ADGRL3: variants seen among roughly 807,000 people sequenced by gnomAD.
ADGRL3 encodes calcium-independent alpha-latrotoxin receptor 3.
ADGRL3 carries 62 observed loss-of-function variants against 153.5 expected under a neutral mutation model. That is an observed-to-expected ratio of 0.40 (90% confidence interval 0.33 to 0.50). The LOEUF (loss-of-function observed/expected upper bound fraction) is 0.50, where lower values mean the gene tolerates loss of function less well. Ranked by LOEUF, ADGRL3 falls within the 20% of genes least tolerant of loss-of-function variation. ADGRL3 has a pLI of 0.47. For missense variants in ADGRL3, 1,641 were observed against 1,859.4 expected, an observed-to-expected ratio of 0.88 and a Z score of 2.16; for synonymous variants, 710 against 672.5, an observed-to-expected ratio of 1.06 and a Z score of -0.86.
intron 11 of ADGRL3, among the ~76,000 whole-genome samples, chr4:61,898,731 G>C (rs184566388): frequency 6.6e-6 from 1 of 151,658 alleles, no homozygotes; most frequent in Admixed American, 6.6e-5. Flanking sequence ...CAATTCTCTT[G>C]CCTCAGCTTC....
At chr4:61,473,628 GTA>G (rs1323772600) in intron 2 of ADGRL3, among the ~76,000 whole-genome samples, 5 of 151,924 alleles carry the variant, frequency 3.3e-5, no homozygotes, top group Admixed American at 2.0e-4. Flanking sequence ...ACCAAAACAT[GTA>G]TAGAGTTTAT....
chr4:61,789,544 A>AT (rs2097317061), intron 8 of ADGRL3, among the ~76,000 whole-genome samples: 1 of 152,272 alleles, frequency 6.6e-6, no homozygotes, highest in South Asian at 2.1e-4. Context: ...ATAAAGTTCC[A>AT]TTTGCTTCAA....
chr4:61,491,550 C>T (rs952047714), intron 2 of ADGRL3, among the ~76,000 whole-genome samples: 1 of 151,972 alleles, frequency 6.6e-6, no homozygotes, highest in Non-Finnish European at 1.5e-5. Context: ...TTAAATAAAA[C>T]AACTGGTTAT....
At chr4:61,373,099 C>T (rs1285676445) in intron 1 of ADGRL3, among the ~76,000 whole-genome samples, 13 of 152,092 alleles carry the variant, frequency 8.5e-5, no homozygotes, top group Non-Finnish European at 1.5e-4. Flanking sequence ...GTGCAGGGTG[C>T]GCACACTCAC....
chr4:61,987,741 C>T (rs2099090782), intron 19 of ADGRL3, among the ~76,000 whole-genome samples: 1 of 152,088 alleles, frequency 6.6e-6, no homozygotes, highest in South Asian at 2.1e-4. Context: ...ATCTTTTTTA[C>T]TTGTTTTTGG....
intron 4 of ADGRL3, among the ~76,000 whole-genome samples, chr4:61,577,230 A>T (rs1055048188): frequency 8.5e-6 from 1 of 117,842 alleles, no homozygotes; most frequent in South Asian, 3.4e-4. Flanking sequence ...TGGGGGGGGG[A>T]TGAGGGAGGG....
At chr4:61,593,150 C>A (rs1262784854) in intron 5 of ADGRL3, among the ~76,000 whole-genome samples, 1 of 152,166 alleles carries the variant, frequency 6.6e-6, no homozygotes, top group East Asian at 1.9e-4. Flanking sequence ...ACTTTAACTT[C>A]ATCCTCCCAC....
chr4:61,794,876 CTG>C (rs2097389021), intron 8 of ADGRL3, among the ~76,000 whole-genome samples: 1 of 152,130 alleles, frequency 6.6e-6, no homozygotes, highest in South Asian at 2.1e-4. Flanking sequence ...TAGATCTTAA[CTG>C]TAAATTATTT....
chr4:61,221,390 C>T (rs1394954), intron 1 of ADGRL3, among the ~76,000 whole-genome samples: 97,024 of 151,940 alleles, frequency 0.64, 31,227 homozygotes, highest in Middle Eastern at 0.72. Flanking sequence ...AAGGTGGGCT[C>T]GTAATATGAT....
Position 61,733,472 on chromosome 4 carries a change from C to T in ADGRL3, c.1317C>T (p.Pro439=). The T allele has an allele frequency of 6.2e-7, 1 of 1,613,678 alleles. No homozygotes were observed. Among genetic ancestry groups the T allele is most frequent in the Non-Finnish European group, 8.5e-7 (1 of 1,179,766 alleles). The change falls in exon 8 of 27, where the codon CCC becomes CCT. Residue 439 remains proline, a synonymous_variant. Transcript: ENST00000683033. ...ACATTGCAGCTGTGGATTACAACCC[C>T]AGGGACAACCTACTTTATGTATGGA... ...YQYIAAVDYN[P]RDNLLYVWNN...
At chr4:61,702,876 C>T (rs1391167592) in intron 6 of ADGRL3, among the ~76,000 whole-genome samples, 3 of 152,052 alleles carry the variant, frequency 2.0e-5, no homozygotes, top group Non-Finnish European at 4.4e-5. Context: ...GTTGAAGCTT[C>T]ACTCCTGTAT....
chr4:61,971,628 G>T (rs1263049625), intron 17 of ADGRL3, among the ~76,000 whole-genome samples: 2 of 152,038 alleles, frequency 1.3e-5, no homozygotes, highest in Non-Finnish European at 2.9e-5. Context: ...ACATGTGCAT[G>T]TGTCTTTATA....
chr4:61,544,559 TTC>T (rs570075755), intron 4 of ADGRL3, among the ~76,000 whole-genome samples: 132 of 152,306 alleles, frequency 8.7e-4, no homozygotes, highest in Admixed American at 1.9e-3. Flanking sequence ...AATCAGAAAA[TTC>T]TGTTTTTTCC....
At chr4:61,636,407 C>T (rs1391367349) in intron 5 of ADGRL3, among the ~76,000 whole-genome samples, 1 of 151,984 alleles carries the variant, frequency 6.6e-6, no homozygotes, top group Non-Finnish European at 1.5e-5. Flanking sequence ...AACATGTGGG[C>T]TAGTTTCTCA....
In ADGRL3 at chr4:61,200,707, C is replaced by A. The variant is rs1734385302; in HGVS notation, c.-1298C>A. On this transcript the variant is annotated 5_prime_UTR_variant, in exon 1 of 27. Coordinates refer to ENST00000683033, the MANE Select transcript of ADGRL3 (RefSeq NM_001387552.1). ...TTTGGCAGGAGCTCGCTCGTGTGTG[C>A]GCGTGTGTGAGTGTGCGTGTCTGGA... Among the ~76,000 whole-genome samples the A allele has an allele frequency of 6.6e-6, 1 of 151,976 alleles. No homozygotes were observed. The highest frequency in any genetic ancestry group is 2.4e-5 in the African/African-American group (1 of 41,398).
intron 5 of ADGRL3, among the ~76,000 whole-genome samples, chr4:61,595,051 C>A (rs114144142): frequency 6.6e-6 from 1 of 152,180 alleles, no homozygotes; most frequent in South Asian, 2.1e-4. Flanking sequence ...GCCTGGAACT[C>A]ACCCTTCAGG....
rs1371653412 is a variant in ADGRL3, at chr4:61,247,860, T to A, written c.-240+46095T>A. On this transcript the variant is annotated intron_variant, in intron 1 of 26. Coordinates refer to ENST00000683033, the MANE Select transcript of ADGRL3 (RefSeq NM_001387552.1). ...GGAGCAATTGTCAAGAATGATACCA[T>A]AACGATACTTTATAGTAACCAAGGA... Among the ~76,000 whole-genome samples, 4 of 152,096 alleles carry A rather than the reference T, an allele frequency of 2.6e-5. No homozygotes were observed. In the East Asian group the frequency reaches 7.7e-4, roughly 29 times the overall value.
chr4:61,625,362 G>A (rs1027649786), intron 5 of ADGRL3, among the ~76,000 whole-genome samples: 1 of 151,928 alleles, frequency 6.6e-6, no homozygotes, highest in Non-Finnish European at 1.5e-5. Context: ...TGAACTTAAT[G>A]TATAAATATT....
chr4:61,541,980 G>A (rs748781250), intron 4 of ADGRL3, among the ~76,000 whole-genome samples: 10 of 152,032 alleles, frequency 6.6e-5, no homozygotes, highest in Non-Finnish European at 1.2e-4. Flanking sequence ...ATGTGGGGTC[G>A]TGGCCAATTT....
Sources: allele counts gnomAD v4.1 joint callset (sites outside exome capture counted in the v4.1 genomes callset), GRCh38; gene constraint gnomAD v4.1.1; transcripts MANE v1.5; gene names NCBI Gene and HGNC (gene_info 2026-07-23, HGNC 2026-07-21).